The following VIPR2 variants were observed in gnomAD, a reference collection of about 807,000 sequenced individuals.
The protein encoded by VIPR2 is vasoactive intestinal polypeptide receptor 2.
VIPR2 carries 48 observed loss-of-function variants against 58.0 expected under a neutral mutation model. The observed-to-expected ratio is 0.83, with a 90% confidence interval of 0.66 to 1.05. The LOEUF is 1.05. VIPR2 is among the 50% of genes least tolerant of loss of function. The pLI, the probability that VIPR2 is intolerant of heterozygous loss-of-function variation, is 0.00. For missense variants in VIPR2, 534 were observed against 558.0 expected (o/e 0.96, Z 0.43); for synonymous variants, 243 against 235.2 (o/e 1.03, Z -0.30).
At chr7:159,130,003 T>C (rs1189177644) in intron 2 of VIPR2, among the ~76,000 whole-genome samples, 32 of 145,650 alleles carry the variant, frequency 2.2e-4, no homozygotes, top group Admixed American at 4.7e-4. Context: ...TCACACTCTG[T>C]TCCCTCAAAC....
chr7:159,113,735 G>A (rs1315206954), intron 2 of VIPR2, among the ~76,000 whole-genome samples: 1 of 152,242 alleles, frequency 6.6e-6, no homozygotes, highest in African/African-American at 2.4e-5. Flanking sequence ...CACCAGCAAT[G>A]TGAAGTGAGT....
At chr7:159,040,927 C>T (rs1312932574) in intron 6 of VIPR2, among the ~76,000 whole-genome samples, 1 of 152,214 alleles carries the variant, frequency 6.6e-6, no homozygotes, top group Non-Finnish European at 1.5e-5. Context: ...TTTGCCTCTG[C>T]TTTCCCCTTG....
At chr7:159,092,177 G>A (rs544096797) in intron 4 of VIPR2, among the ~76,000 whole-genome samples, 8 of 152,302 alleles carry the variant, frequency 5.3e-5, no homozygotes, top group East Asian at 1.9e-4. Context: ...GCCCACCTCC[G>A]CCTGAGCTGT....
At chr7:159,082,806 A>C (rs1043519870) in intron 4 of VIPR2, among the ~76,000 whole-genome samples, 6 of 152,132 alleles carry the variant, frequency 3.9e-5, no homozygotes, top group Non-Finnish European at 2.9e-5. Context: ...AGGCAGACAG[A>C]CAAACAGACA....
chr7:159,084,121 G>A (rs1274668947), intron 4 of VIPR2, among the ~76,000 whole-genome samples: 2 of 152,248 alleles, frequency 1.3e-5, no homozygotes, highest in African/African-American at 2.4e-5. Flanking sequence ...GGTGCTGTGG[G>A]GTGCAGAAAG....
intron 2 of VIPR2, among the ~76,000 whole-genome samples, chr7:159,133,908 C>T (rs1311484578): frequency 2.0e-5 from 3 of 152,154 alleles, no homozygotes; most frequent in Admixed American, 6.5e-5. Flanking sequence ...CCTAGCTGAG[C>T]TAGTCAAATA....
chr7:159,109,782 G>A (rs1795918686), intron 3 of VIPR2, 30 bp downstream of exon 3: 1 of 1,596,294 alleles, frequency 6.3e-7, no homozygotes, highest in Non-Finnish European at 8.6e-7. Context: ...CACCCTGGAG[G>A]AGCTCAGGAA....
In VIPR2 at chr7:159,097,531, G is replaced by GTGTT. The variant is rs1470280123; in HGVS notation, c.357+6222_357+6225dup. ...AATGGCAGGGCTGTGAGTGCCCAGG[G>GTGTT]TGTTAGAGATTCTACTGCCTTGCCC... On this transcript the variant is annotated intron_variant, in intron 4 of 12. Coordinates refer to ENST00000262178, the MANE Select transcript of VIPR2 (RefSeq NM_003382.5). The surrounding 1 kb of genome is among the most constrained non-coding windows in gnomAD (Gnocchi z 5.3). Among the ~76,000 whole-genome samples, 8 of 152,202 alleles carry GTGTT rather than the reference G, an allele frequency of 5.3e-5. No homozygotes were observed. In the East Asian group the frequency reaches 1.4e-3, roughly 26 times the overall value.
chr7:159,115,893 C>T (rs751795024), intron 2 of VIPR2, among the ~76,000 whole-genome samples: 1 of 152,244 alleles, frequency 6.6e-6, no homozygotes, highest in Non-Finnish European at 1.5e-5. Flanking sequence ...CCTGGGGCCA[C>T]GTGCTTCCTT....
At chr7:159,033,176 A>C (rs1853695214) in intron 10 of VIPR2, among the ~76,000 whole-genome samples, 1 of 152,224 alleles carries the variant, frequency 6.6e-6, no homozygotes, top group African/African-American at 2.4e-5. Flanking sequence ...AAGCTGAGGC[A>C]TGGAGTGGCA....
intron 4 of VIPR2, among the ~76,000 whole-genome samples, chr7:159,068,746 G>A (rs376568962): frequency 6.6e-5 from 10 of 152,194 alleles, no homozygotes; most frequent in East Asian, 5.8e-4. Flanking sequence ...TTCTGAAGGC[G>A]TCTCCACAGC....
intron 4 of VIPR2, among the ~76,000 whole-genome samples, chr7:159,067,772 T>G (rs1856171486): frequency 6.6e-6 from 1 of 152,230 alleles, no homozygotes; most frequent in Admixed American, 6.5e-5. Flanking sequence ...TGAAAGACCT[T>G]CAAGTTCTTT....
At chr7:159,118,634 C>G (rs1796335605) in intron 2 of VIPR2, among the ~76,000 whole-genome samples, 1 of 152,266 alleles carries the variant, frequency 6.6e-6, no homozygotes, top group South Asian at 2.1e-4. Context: ...TAGCCCCTCT[C>G]TTCCAGCCCA....
At chr7:159,118,384 G>C (rs1053538817) in intron 2 of VIPR2, among the ~76,000 whole-genome samples, 2 of 152,222 alleles carry the variant, frequency 1.3e-5, no homozygotes, top group Non-Finnish European at 2.9e-5. Context: ...GGAGCTGCAT[G>C]TGAAAGCAGT....
At chr7:159,050,726 T>C (rs1439788122) in intron 5 of VIPR2, among the ~76,000 whole-genome samples, 1 of 152,116 alleles carries the variant, frequency 6.6e-6, no homozygotes, top group African/African-American at 2.4e-5. Flanking sequence ...TTTGAAGAGA[T>C]GCTAGCCACA....
At chr7:159,065,331 G>T (rs1425788336) in intron 4 of VIPR2, among the ~76,000 whole-genome samples, 1 of 152,132 alleles carries the variant, frequency 6.6e-6, no homozygotes, top group Non-Finnish European at 1.5e-5. Context: ...CAGGAGACGG[G>T]GGCAGGAGGG....
At position 159,065,242 on chromosome 7, in the gene VIPR2, AGCGTCATGCT is replaced by A. The variant is rs200949085; in HGVS notation, c.358-6674_358-6665del. The stretch of plus-strand genomic sequence containing the variant: ...CCCCTGGATTTAGAAAGCCTTGGAC[AGCGTCATGCT>A]GCTGTTCCCTCTGCCCGCCCATCTC... On this transcript the variant is annotated intron_variant, in intron 4 of 12. Transcript: ENST00000262178. 4.6e-4 allele frequency among the ~76,000 whole-genome samples: 70 copies of A among 152,336 alleles called. No individual in the cohort carries two copies. In the East Asian group the frequency reaches 0.013, roughly 29 times the overall value.
Position 159,034,273 on chromosome 7 carries a change from C to T in VIPR2, c.911G>A (p.Arg304Gln), listed in dbSNP as rs773516215. Residue 304 changes from arginine (R) to glutamine (Q), a missense_variant, in exon 10 of 13, where the codon CGA (arginine) becomes CAA (glutamine). Physicochemically the swap from Arg to Gln is conservative, Grantham distance 43. This residue lies in a region of VIPR2 where 306 missense variants were observed against 285.8 expected (regional missense o/e 1.07). Transcript: ENST00000262178. ...VNFVLFISII[R>Q]ILLQKLTSPD... Reference sequence around the variant, plus strand: ...GGATGTTAACTTCTGCAGCAAAATTCGTATAATACTAATGAAAAGGACAAA... The same window carrying T: ...GGATGTTAACTTCTGCAGCAAAATTTGTATAATACTAATGAAAAGGACAAA... The T allele has an allele frequency of 8.1e-6, 13 of 1,613,890 alleles. No individual in the cohort carries two copies. The highest frequency in any genetic ancestry group is 5.0e-5 in the Admixed American group (3 of 60,006).
At chr7:159,033,487 T>TAA (rs59845674) in intron 10 of VIPR2, among the ~76,000 whole-genome samples, 1 of 151,812 alleles carries the variant, frequency 6.6e-6, no homozygotes. Context: ...TTTACCTTTT[T>TAA]AAAAAAAAAT....
Sources: gnomAD v4.1 joint callset for allele counts (sites outside exome capture counted in the v4.1 genomes callset) on GRCh38, gnomAD v4.1.1 for gene constraint, gnomAD v4.1.1 regional missense constraint, Gnocchi (gnomAD v3.1) non-coding constraint, MANE v1.5 for transcripts, NCBI Gene and HGNC (gene_info 2026-07-23, HGNC 2026-07-21) for gene names.